TXLNB: variants seen among roughly 807,000 people sequenced by gnomAD.
TXLNB encodes beta-taxilin.
In TXLNB, 37 loss-of-function variants were observed where a neutral mutation model predicts 57.4. The ratio of observed to expected loss-of-function variants is 0.64; its 90% CI spans 0.50 to 0.85. TXLNB has a LOEUF of 0.85. TXLNB is among the 40% of genes least tolerant of loss of function. TXLNB has a pLI of 0.00. For synonymous variants in TXLNB, 302 were observed against 309.6 expected (o/e 0.98, Z 0.26); for missense variants, 848 against 825.6 (o/e 1.03, Z -0.33).
chr6:139,301,747 CAG>C, the TXLNB span, among the ~76,000 whole-genome samples: 1 of 152,182 alleles, frequency 6.6e-6, no homozygotes, highest in African/African-American at 2.4e-5. Flanking sequence ...TTTACTTTCA[CAG>C]TAACTTGATA....
the TXLNB span, among the ~76,000 whole-genome samples, chr6:139,219,213 C>G: frequency 6.6e-6 from 1 of 152,182 alleles, no homozygotes; most frequent in East Asian, 1.9e-4. Context: ...ACTTTTTCAG[C>G]CTAACAGTGG....
chr6:139,168,679 G>C, the TXLNB span, among the ~76,000 whole-genome samples: 3 of 151,704 alleles, frequency 2.0e-5, no homozygotes, highest in South Asian at 2.1e-4. Flanking sequence ...TTGTTTCCTA[G>C]ATCTCAATAT....
chr6:139,265,495 A>G (rs1776593749), intron 4 of TXLNB, among the ~76,000 whole-genome samples: 1 of 152,150 alleles, frequency 6.6e-6, no homozygotes, highest in Admixed American at 6.6e-5. Flanking sequence ...GTTTTAATAA[A>G]GAAAAGTAAA....
Position 139,243,236 on chromosome 6 carries a change from C to G in TXLNB, c.1345G>C (p.Glu449Gln). 6.2e-7 allele frequency: 1 copy of G among 1,614,086 alleles called. No individual in the cohort carries two copies. Among genetic ancestry groups the G allele is most frequent in the Non-Finnish European group, 8.5e-7 (1 of 1,180,034 alleles). ...TTTTTGTGGAGTTCGTTTCTCTCTTCTTGTAAAGCACGGCAGAGGTTCTCT... is the reference window on the plus strand; with the variant it reads ...TTTTTGTGGAGTTCGTTTCTCTCTTGTTGTAAAGCACGGCAGAGGTTCTCT... ...RLENLCRALQ[E>Q]ERNELHKKIR... The change falls in exon 10 of 10, where the codon GAA (glutamate) becomes CAA (glutamine). Residue 449 changes from glutamate (E) to glutamine (Q), a missense_variant. Physicochemically the swap from Glu to Gln is conservative, Grantham distance 29. Coordinates refer to ENST00000358430, the MANE Select transcript of TXLNB (RefSeq NM_153235.4).
the TXLNB span, among the ~76,000 whole-genome samples, chr6:139,302,810 C>T: frequency 6.6e-6 from 1 of 151,282 alleles, no homozygotes; most frequent in East Asian, 1.9e-4. Context: ...GAAAAAAAAA[C>T]CTTGTTAAGC....
At chr6:139,228,547 G>T in the TXLNB span, among the ~76,000 whole-genome samples, 1 of 139,362 alleles carries the variant, frequency 7.2e-6, no homozygotes, top group East Asian at 2.0e-4. Flanking sequence ...AAAAAAAAAA[G>T]GGAAGTTAAT....
chr6:139,244,503 C>A, intron 9 of TXLNB, 92 bp downstream of exon 9: 1 of 883,926 alleles, frequency 1.1e-6, no homozygotes, highest in Non-Finnish European at 1.9e-6. Flanking sequence ...CACACATAAC[C>A]ATTTGTACTA....
chr6:139,205,022 A>C, the TXLNB span, among the ~76,000 whole-genome samples: 9 of 152,180 alleles, frequency 5.9e-5, no homozygotes, highest in East Asian at 1.7e-3. Flanking sequence ...GTATTTCTCT[A>C]CCTGCCCTGA....
chr6:139,194,210 G>C, the TXLNB span, among the ~76,000 whole-genome samples: 1 of 152,134 alleles, frequency 6.6e-6, no homozygotes, highest in Non-Finnish European at 1.5e-5. Flanking sequence ...CAAAGTGCCG[G>C]GATTACAGGC....
the TXLNB span, among the ~76,000 whole-genome samples, chr6:139,168,273 A>C: frequency 6.6e-6 from 1 of 152,170 alleles, no homozygotes; most frequent in South Asian, 2.1e-4. Flanking sequence ...AGATACCACA[A>C]TTATTAGTTA....
the TXLNB span, among the ~76,000 whole-genome samples, chr6:139,192,994 A>C: frequency 1.2e-4 from 18 of 151,844 alleles, no homozygotes; most frequent in East Asian, 3.3e-3. Flanking sequence ...AAAACAACAA[A>C]AAAACCCTAC....
chr6:139,300,844 G>A, the TXLNB span, among the ~76,000 whole-genome samples: 4 of 152,234 alleles, frequency 2.6e-5, no homozygotes, highest in Middle Eastern at 3.4e-3. Flanking sequence ...GCAGTGAGCC[G>A]AGATTGCACC....
At chr6:139,164,945 C>T in the TXLNB span, among the ~76,000 whole-genome samples, 1 of 152,214 alleles carries the variant, frequency 6.6e-6, no homozygotes, top group Non-Finnish European at 1.5e-5. Context: ...CCTTCCACCT[C>T]TGGCCACCTT....
chr6:139,216,989 A>G, the TXLNB span, among the ~76,000 whole-genome samples: 1 of 152,156 alleles, frequency 6.6e-6, no homozygotes, highest in African/African-American at 2.4e-5. Context: ...ATAACAAAAA[A>G]CCACGTGTAC....
chr6:139,246,430 G>A (rs2114437313), intron 8 of TXLNB, among the ~76,000 whole-genome samples: 1 of 152,240 alleles, frequency 6.6e-6, no homozygotes, highest in South Asian at 2.1e-4. Flanking sequence ...TCCCTGTTCG[G>A]AAACACAGTT....
intron 4 of TXLNB, among the ~76,000 whole-genome samples, chr6:139,268,554 A>G (rs1776675521): frequency 6.6e-6 from 1 of 152,234 alleles, no homozygotes; most frequent in African/African-American, 2.4e-5. Context: ...AAAATTTGAA[A>G]ATATTTTGAA....
At chr6:139,173,909 G>A in the TXLNB span, among the ~76,000 whole-genome samples, 5 of 152,198 alleles carry the variant, frequency 3.3e-5, no homozygotes, top group Non-Finnish European at 7.4e-5. Flanking sequence ...TGGTTGTGGT[G>A]TAATTCTGGG....
chr6:139,233,641 T>C, the TXLNB span, among the ~76,000 whole-genome samples: 319 of 152,212 alleles, frequency 2.1e-3, no homozygotes, highest in African/African-American at 7.4e-3. Flanking sequence ...CTGCTTCTTC[T>C]TCACCTTCTG....
chr6:139,289,687 T>C (rs891215071), intron 1 of TXLNB, among the ~76,000 whole-genome samples: 4 of 152,210 alleles, frequency 2.6e-5, no homozygotes, highest in Admixed American at 2.6e-4. Flanking sequence ...ATATTTGTCA[T>C]TTTGCTTACA....
Sources: gnomAD v4.1 joint callset for allele counts (sites outside exome capture counted in the v4.1 genomes callset) on GRCh38, gnomAD v4.1.1 for gene constraint, MANE v1.5 for transcripts, NCBI Gene and HGNC (gene_info 2026-07-23, HGNC 2026-07-21) for gene names.